The following WWOX variants were observed in gnomAD, a reference collection of about 807,000 sequenced individuals.
The protein encoded by WWOX is WW domain-containing oxidoreductase.
Under a neutral mutation model 46.2 loss-of-function variants are expected in WWOX, and 69 were observed. The observed-to-expected ratio is 1.49, with a 90% CI of 1.23 to 1.82. The LOEUF is 1.82. Ranked by LOEUF, WWOX falls within the 40% of genes most tolerant of loss-of-function variation. The probability of loss-of-function intolerance (pLI) is 0.00; values close to 1 mark genes in which losing one functional copy is unlikely to be tolerated. For missense variants in WWOX, 919 were observed against 542.6 expected (o/e 1.69, Z -6.89); for synonymous variants, 359 against 202.6 (o/e 1.77, Z -6.56).
chr16:78,759,899 C>A (rs577126421), intron 8 of WWOX, among the ~76,000 whole-genome samples: 1 of 152,276 alleles, frequency 6.6e-6, no homozygotes, highest in South Asian at 2.1e-4. Context: ...CATTTTTCAG[C>A]TCACGGCCAC....
intron 8 of WWOX, among the ~76,000 whole-genome samples, chr16:78,761,448 C>T (rs1372231418): frequency 1.3e-5 from 2 of 152,164 alleles, no homozygotes; most frequent in Non-Finnish European, 2.9e-5. Context: ...CCATCAAACT[C>T]ACCATTGTCA....
chr16:79,170,584 G>C (rs1159673270), intron 8 of WWOX, among the ~76,000 whole-genome samples: 1 of 149,900 alleles, frequency 6.7e-6, no homozygotes, highest in African/African-American at 2.5e-5. Flanking sequence ...ATGATTGCTT[G>C]ATTCTATTGT....
chr16:78,444,114 C>T (rs2083505537), intron 8 of WWOX, among the ~76,000 whole-genome samples: 1 of 152,174 alleles, frequency 6.6e-6, no homozygotes, highest in African/African-American at 2.4e-5. Flanking sequence ...GAACTCCTCT[C>T]CCTCTTCTTT....
In WWOX at chr16:78,544,294, A is replaced by G. The variant is rs62033995; in HGVS notation, c.1056+111542A>G. Among the ~76,000 whole-genome samples the G allele has an allele frequency of 6.0e-3, 914 of 152,322 alleles. 5 individuals carry two copies. Among genetic ancestry groups the G allele is most frequent in the Middle Eastern group, 0.017 (5 of 294 alleles). On this transcript the variant is annotated intron_variant, in intron 8 of 8. Coordinates refer to ENST00000566780, the MANE Select transcript of WWOX (RefSeq NM_016373.4). ...AGCGCTAACATTATATTAATTATTA[A>G]TAAAATCCAACTCCTTAATAATACA...
chr16:78,543,617 A>C (rs1305885722), intron 8 of WWOX, among the ~76,000 whole-genome samples: 2 of 152,182 alleles, frequency 1.3e-5, no homozygotes, highest in East Asian at 3.9e-4. Flanking sequence ...GGAATGCAAA[A>C]ACCTAAGGCC....
chr16:78,889,719 T>C (rs906370448), intron 8 of WWOX, among the ~76,000 whole-genome samples: 1 of 152,116 alleles, frequency 6.6e-6, no homozygotes, highest in African/African-American at 2.4e-5. Context: ...TCTGCAGGTA[T>C]TTTCCCCCCA....
At chr16:79,165,147 A>C (rs1455037868) in intron 8 of WWOX, among the ~76,000 whole-genome samples, 2 of 102,596 alleles carry the variant, frequency 1.9e-5, no homozygotes, top group Admixed American at 1.0e-4. Flanking sequence ...GATTAAAACG[A>C]AGGAAAAAAA....
At chr16:78,969,283 CTTTTT>C (rs2046424202) in intron 8 of WWOX, among the ~76,000 whole-genome samples, 2 of 119,118 alleles carry the variant, frequency 1.7e-5, no homozygotes, top group East Asian at 5.2e-4. Flanking sequence ...TTTTTTTTTT[CTTTTT>C]GAGGAAGGGT....
chr16:79,212,508 C>T lies in WWOX; in HGVS notation c.*712C>T. Reference sequence around the variant, plus strand: ...AAAGGCAGGAAGGGAAGCGTATATACTTAAGAATACACAGGATATTTTGGG... The same window carrying T: ...AAAGGCAGGAAGGGAAGCGTATATATTTAAGAATACACAGGATATTTTGGG... On this transcript the variant is annotated 3_prime_UTR_variant, in exon 9 of 9. Coordinates refer to ENST00000566780, the MANE Select transcript of WWOX (RefSeq NM_016373.4). The T allele has an allele frequency of 5.2e-6, 1 of 192,910 alleles. No individual in the cohort carries two copies. The highest frequency in any genetic ancestry group is 2.3e-5 in the African/African-American group (1 of 43,186). The allele number at this position is 192,910 out of a possible 1,614,324, so 11.9% of individuals were successfully genotyped here.
At chr16:78,892,567 A>G (rs2044614158) in intron 8 of WWOX, among the ~76,000 whole-genome samples, 1 of 152,182 alleles carries the variant, frequency 6.6e-6, no homozygotes, top group Non-Finnish European at 1.5e-5. Flanking sequence ...TTCTTCCTCC[A>G]CATTTTATCC....
chr16:78,446,932 A>C (rs184653708), intron 8 of WWOX, among the ~76,000 whole-genome samples: 59 of 152,236 alleles, frequency 3.9e-4, no homozygotes, highest in African/African-American at 1.3e-3. Flanking sequence ...AAGTGCTGGG[A>C]TGACAGGTGT....
chr16:79,207,283 G>C (rs1039770383), intron 8 of WWOX, among the ~76,000 whole-genome samples: 1 of 152,256 alleles, frequency 6.6e-6, no homozygotes, highest in African/African-American at 2.4e-5. Flanking sequence ...TTGTCCAACA[G>C]ACACCAGATG....
chr16:78,490,832 A>G (rs555789019), intron 8 of WWOX, among the ~76,000 whole-genome samples: 1 of 152,292 alleles, frequency 6.6e-6, no homozygotes, highest in Admixed American at 6.5e-5. Context: ...AGACTAGGAA[A>G]TGGCTCCGAG....
At chr16:78,363,591 G>A (rs4362401) in intron 5 of WWOX, among the ~76,000 whole-genome samples, 5 of 152,096 alleles carry the variant, frequency 3.3e-5, no homozygotes, top group Non-Finnish European at 7.4e-5. Context: ...TTTTAACTCA[G>A]AATGATTTCA....
chr16:78,789,448 C>G (rs373300140), intron 8 of WWOX, among the ~76,000 whole-genome samples: 1 of 152,134 alleles, frequency 6.6e-6, no homozygotes, highest in Non-Finnish European at 1.5e-5. Context: ...TATCAGAGAT[C>G]AATTGGCCAT....
chr16:78,885,844 G>A (rs1597105853), intron 8 of WWOX, among the ~76,000 whole-genome samples: 2 of 151,756 alleles, frequency 1.3e-5, no homozygotes, highest in Admixed American at 6.6e-5. Context: ...CTTACCTGCT[G>A]TATAAATATG....
chr16:78,822,950 G>A (rs2051544694), intron 8 of WWOX, among the ~76,000 whole-genome samples: 1 of 151,994 alleles, frequency 6.6e-6, no homozygotes, highest in African/African-American at 2.4e-5. Flanking sequence ...AAAGGAATTA[G>A]AAACAGAGAA....
chr16:78,270,399 C>T (rs1048586371), intron 5 of WWOX: 10 of 152,272 alleles, frequency 6.6e-5, no homozygotes, highest in African/African-American at 2.4e-4. Context: ...ACAGTGCCTC[C>T]TTCCAGGACA....
chr16:78,811,260 T>C (rs1370716876), intron 8 of WWOX, among the ~76,000 whole-genome samples: 1 of 152,202 alleles, frequency 6.6e-6, no homozygotes, highest in Non-Finnish European at 1.5e-5. Context: ...ATTCTGCAAT[T>C]GCTGAGTAAT....
Sources: allele counts gnomAD v4.1 joint callset (sites outside exome capture counted in the v4.1 genomes callset), GRCh38; gene constraint gnomAD v4.1.1; transcripts MANE v1.5; gene names NCBI Gene and HGNC (gene_info 2026-07-23, HGNC 2026-07-21).